Variants in USP15 observed in about 807,000 individuals in gnomAD.
The protein encoded by USP15 is ubiquitin carboxyl-terminal hydrolase 15.
In USP15, 18 loss-of-function variants were observed where a neutral mutation model predicts 127.1. That is an observed-to-expected ratio of 0.14 (90% confidence interval 0.10 to 0.21). The LOEUF (loss-of-function observed/expected upper bound fraction) is 0.21, where lower values mean the gene tolerates loss of function less well. USP15 is among the 10% of genes least tolerant of loss of function. The pLI, the probability that USP15 is intolerant of heterozygous loss-of-function variation, is 1.00. For missense variants in USP15, 805 were observed against 1,159.9 expected, an observed-to-expected ratio of 0.69 and a Z score of 4.44; for synonymous variants, 364 against 393.7, an observed-to-expected ratio of 0.92 and a Z score of 0.89.
chr12:62,413,975 T>C lies in USP15; in HGVS notation c.*9600T>C, dbSNP rs1215439742. 2 of 152,220 alleles carry C rather than the reference T, an allele frequency of 1.3e-5. No individual in the cohort carries two copies. The highest frequency in any genetic ancestry group is 2.4e-5 in the African/African-American group (1 of 41,438). The allele number at this position is 152,220 out of a possible 1,614,324, so 9.4% of individuals were successfully genotyped here. A position where few individuals can be genotyped will look rare whatever the true frequency, so the allele number is the denominator to read the frequency against. The stretch of plus-strand genomic sequence containing the variant: ...ACATTTAGAGGCCATTGGATGGTTA[T>C]TAACTGGCCTGGTTTTAATAGTGTT... On this transcript the variant is annotated 3_prime_UTR_variant, in exon 22 of 22. Transcript: ENST00000280377.
intron 1 of USP15, among the ~76,000 whole-genome samples, chr12:62,275,630 T>C (rs868611987): frequency 2.0e-5 from 3 of 151,706 alleles, no homozygotes; most frequent in African/African-American, 7.3e-5. Flanking sequence ...AGAGGTGATA[T>C]GAGGGGAGAG....
chr12:62,294,424 G>T, intron 2 of USP15, 118 bp downstream of exon 2: 1 of 1,124,666 alleles, frequency 8.9e-7, no homozygotes, highest in Non-Finnish European at 1.2e-6. Context: ...TTGCATTACA[G>T]ATTTTACCTA....
At chr12:62,263,725 TA>T (rs556804115) in intron 1 of USP15, among the ~76,000 whole-genome samples, 45 of 152,320 alleles carry the variant, frequency 3.0e-4, no homozygotes, top group African/African-American at 9.4e-4. Context: ...CTCAAAATGA[TA>T]TTTGTTGATC....
chr12:62,278,854 G>A (rs1223580249), intron 1 of USP15: 1 of 152,056 alleles, frequency 6.6e-6, no homozygotes, highest in African/African-American at 2.4e-5. Flanking sequence ...TTATAATAAA[G>A]CATTGACTAC....
In USP15 at chr12:62,413,289, C is replaced by T. The variant is rs2068080597; in HGVS notation, c.*8914C>T. The T allele has an allele frequency of 1.3e-5, 2 of 151,968 alleles. No individual in the cohort carries two copies. The highest frequency in any genetic ancestry group is 4.8e-5 in the African/African-American group (2 of 41,350). 9.4% of individuals were successfully genotyped at this position (151,968 alleles called of 1,614,324 possible). A position where few individuals can be genotyped will look rare whatever the true frequency, so the allele number is the denominator to read the frequency against. On this transcript the variant is annotated 3_prime_UTR_variant, in exon 22 of 22. Transcript: ENST00000280377. ...TTATATTTAGTTTAATTTTAAGGAC[C>T]CTAGGATTTTTGGAATGATAAATGA...
chr12:62,375,090 A>G (rs2066784875), intron 8 of USP15, among the ~76,000 whole-genome samples: 1 of 152,090 alleles, frequency 6.6e-6, no homozygotes, highest in South Asian at 2.1e-4. Context: ...ATTGGATGAG[A>G]CATTTGATTA....
At chr12:62,326,646 G>A (rs1189788494) in intron 6 of USP15, among the ~76,000 whole-genome samples, 2 of 152,146 alleles carry the variant, frequency 1.3e-5, no homozygotes, top group African/African-American at 4.8e-5. Flanking sequence ...ATCAGTTCAG[G>A]TTAGGTTGCC....
intron 1 of USP15, among the ~76,000 whole-genome samples, chr12:62,290,218 TC>T (rs2063919442): frequency 6.6e-6 from 1 of 152,242 alleles, no homozygotes; most frequent in African/African-American, 2.4e-5. Context: ...AATATGGAAG[TC>T]CCCCACTATT....
At chr12:62,276,438 A>C (rs1040969359) in intron 1 of USP15, among the ~76,000 whole-genome samples, 1 of 152,106 alleles carries the variant, frequency 6.6e-6, no homozygotes, top group African/African-American at 2.4e-5. Context: ...CCAAAATTTG[A>C]TCAGCTTCAA....
At chr12:62,380,160 T>C (rs1342142198) in intron 8 of USP15, among the ~76,000 whole-genome samples, 2 of 151,956 alleles carry the variant, frequency 1.3e-5, no homozygotes, top group Non-Finnish European at 2.9e-5. Flanking sequence ...TTCCATGATA[T>C]TATAACCAGT....
intron 20 of USP15, among the ~76,000 whole-genome samples, chr12:62,399,680 C>T (rs547992047): frequency 1.7e-4 from 26 of 152,188 alleles, no homozygotes; most frequent in African/African-American, 6.3e-4. Context: ...TACGGTTTCT[C>T]TCCATGGTTG....
intron 4 of USP15, 37 bp from the exon 5 acceptor site, chr12:62,321,425 TAC>T: frequency 7.6e-7 from 1 of 1,313,872 alleles, no homozygotes; most frequent in Non-Finnish European, 1.0e-6. Flanking sequence ...TATTTTGAAA[TAC>T]ATACTATATT....
rs367814253 is a variant in USP15 at position 62,380,644 on chromosome 12, A to G, written c.916-846A>G. On this transcript the variant is annotated intron_variant, in intron 8 of 21. Coordinates refer to ENST00000280377, the MANE Select transcript of USP15 (RefSeq NM_001252078.2). ...ATCCTACAGCAAAAAAAATTTACTT[A>G]TGTGACCATATGTCTGTGTTAGTCG... Among the ~76,000 whole-genome samples, 3 of 152,170 alleles carry G rather than the reference A, an allele frequency of 2.0e-5. No homozygotes were observed. In the East Asian group the frequency reaches 5.8e-4, roughly 29 times the overall value.
chr12:62,374,453 G>C, intron 8 of USP15: 1 of 985,706 alleles, frequency 1.0e-6, no homozygotes, highest in Non-Finnish European at 1.2e-6. Context: ...TGGAGCACCT[G>C]AACAGAAAGG....
At chr12:62,369,895 A>G (rs1375158208) in intron 8 of USP15, among the ~76,000 whole-genome samples, 1 of 152,156 alleles carries the variant, frequency 6.6e-6, no homozygotes, top group Non-Finnish European at 1.5e-5. Flanking sequence ...CCAAAAATAT[A>G]TGTGTCATCA....
At chr12:62,343,238 T>C (rs1011156866) in intron 6 of USP15, among the ~76,000 whole-genome samples, 3 of 152,034 alleles carry the variant, frequency 2.0e-5, no homozygotes, top group Non-Finnish European at 2.9e-5. Context: ...TACTAAAGCC[T>C]CAGTAATGGC....
At chr12:62,339,053 C>T (rs2065570673) in intron 6 of USP15, among the ~76,000 whole-genome samples, 1 of 151,730 alleles carries the variant, frequency 6.6e-6, no homozygotes, top group Non-Finnish European at 1.5e-5. Context: ...CTATAAATTA[C>T]TTTGGGCAAT....
chr12:62,267,284 AC>A, intron 1 of USP15: 1 of 152,146 alleles, frequency 6.6e-6, no homozygotes, highest in Non-Finnish European at 1.5e-5. Context: ...AGATTTTATC[AC>A]CCAGTTTACA....
intron 6 of USP15, chr12:62,335,080 G>A: frequency 1.4e-6 from 2 of 1,390,712 alleles, no homozygotes; most frequent in Admixed American, 2.0e-5. Flanking sequence ...GCCCAAACTG[G>A]CCAAAATTAG....
Sources: allele counts gnomAD v4.1 joint callset (sites outside exome capture counted in the v4.1 genomes callset), GRCh38; gene constraint gnomAD v4.1.1; transcripts MANE v1.5; gene names NCBI Gene and HGNC (gene_info 2026-07-23, HGNC 2026-07-21).